Variants in BCAS3 observed in about 807,000 individuals in gnomAD.
BCAS3 encodes BCAS4/BCAS3 fusion.
In BCAS3, 53 loss-of-function variants were observed where a neutral mutation model predicts 116.1. The ratio of observed to expected loss-of-function variants is 0.46; its 90% CI spans 0.37 to 0.57. The LOEUF (loss-of-function observed/expected upper bound fraction) is 0.57. Ranked by LOEUF, BCAS3 falls within the 20% of genes least tolerant of loss-of-function variation. The probability of loss-of-function intolerance (pLI) is 0.00; values close to 1 mark genes in which losing one functional copy is unlikely to be tolerated. For synonymous variants in BCAS3, 391 were observed against 408.2 expected (o/e 0.96, Z 0.51); for missense variants, 917 against 1,165.4 (o/e 0.79, Z 3.10).
At chr17:61,129,552 GA>G (rs1377979586) in intron 22 of BCAS3, among the ~76,000 whole-genome samples, 1 of 152,222 alleles carries the variant, frequency 6.6e-6, no homozygotes, top group Non-Finnish European at 1.5e-5. Context: ...TATTTGTCAG[GA>G]ATGAGAATAC....
rs528307594 is a variant in BCAS3 at position 60,702,947 on chromosome 17, C to G, written c.215-6272C>G. On this transcript the variant is annotated intron_variant, in intron 4 of 23. Transcript: ENST00000407086. Reference sequence around the variant, plus strand: ...CAGTGACACCAGCAGGCACCAAAACCTTGCACATTTTGCTTAATACTTTTT... The same window carrying G: ...CAGTGACACCAGCAGGCACCAAAACGTTGCACATTTTGCTTAATACTTTTT... Among the ~76,000 whole-genome samples, 129 of 152,220 alleles carry G rather than the reference C, an allele frequency of 8.5e-4. 1 individual carries two copies. In the Middle Eastern group the frequency reaches 0.017, roughly 20 times the overall value.
intron 22 of BCAS3, among the ~76,000 whole-genome samples, chr17:61,167,295 G>T (rs576969284): frequency 3.9e-5 from 6 of 152,180 alleles, no homozygotes; most frequent in Non-Finnish European, 5.9e-5. Flanking sequence ...TATTAGAATT[G>T]TAACACTGAT....
At chr17:60,689,860 T>G in intron 4 of BCAS3, 99 bp downstream of exon 4, 1 of 779,262 alleles carries the variant, frequency 1.3e-6, no homozygotes, top group East Asian at 2.7e-5. Context: ...TTACTTTCTC[T>G]TATAGTAATT....
At chr17:61,280,872 G>A (rs2051182592) in intron 22 of BCAS3, among the ~76,000 whole-genome samples, 1 of 152,150 alleles carries the variant, frequency 6.6e-6, no homozygotes, top group Non-Finnish European at 1.5e-5. Flanking sequence ...CCCTTAACAG[G>A]TTGAAGGCTT....
intron 22 of BCAS3, among the ~76,000 whole-genome samples, chr17:61,223,873 A>G (rs1430081107): frequency 6.6e-6 from 1 of 152,196 alleles, no homozygotes; most frequent in Non-Finnish European, 1.5e-5. Context: ...ACACTTGGAT[A>G]CCCTGTGGTG....
intron 7 of BCAS3, chr17:60,810,971 A>G: frequency 1.5e-6 from 1 of 674,752 alleles, no homozygotes; most frequent in Non-Finnish European, 2.7e-6. Context: ...GAGCTGGACA[A>G]GTACTAGTCT....
chr17:60,914,531 G>A (rs1480507454), intron 12 of BCAS3, among the ~76,000 whole-genome samples: 1 of 152,106 alleles, frequency 6.6e-6, no homozygotes, highest in African/African-American at 2.4e-5. Context: ...GTAGAAAAAT[G>A]GGCAAAAGAT....
At chr17:60,749,038 G>A (rs1000908962) in intron 6 of BCAS3, 6 of 152,224 alleles carry the variant, frequency 3.9e-5, no homozygotes, top group African/African-American at 1.2e-4. Context: ...CACTACCTTC[G>A]GAGCAGCCTT....
At chr17:60,877,126 AG>A (rs2055682111) in intron 9 of BCAS3, among the ~76,000 whole-genome samples, 1 of 151,970 alleles carries the variant, frequency 6.6e-6, no homozygotes, top group Admixed American at 6.6e-5. Flanking sequence ...AGATCTTTAT[AG>A]GTCTGAGTTG....
chr17:61,123,464 T>C (rs1036860166), intron 22 of BCAS3, among the ~76,000 whole-genome samples: 5 of 152,110 alleles, frequency 3.3e-5, no homozygotes, highest in African/African-American at 1.2e-4. Flanking sequence ...TTTTCAAAAA[T>C]AATAATGATA....
intron 22 of BCAS3, among the ~76,000 whole-genome samples, chr17:61,245,579 A>C (rs1488045956): frequency 1.3e-5 from 2 of 152,018 alleles, no homozygotes; most frequent in African/African-American, 4.8e-5. Flanking sequence ...TTAAAAAGTG[A>C]AAAGTTGTTT....
chr17:60,850,208 A>G (rs1177210255), intron 7 of BCAS3, among the ~76,000 whole-genome samples: 1 of 152,072 alleles, frequency 6.6e-6, no homozygotes, highest in South Asian at 2.1e-4. Flanking sequence ...TGAGTTGTAC[A>G]TTGTGTGGCA....
chr17:61,195,665 C>T (rs2080436774), intron 22 of BCAS3, among the ~76,000 whole-genome samples: 1 of 152,046 alleles, frequency 6.6e-6, no homozygotes, highest in African/African-American at 2.4e-5. Context: ...AGGTGTGAGC[C>T]ACCGCACCCG....
At position 60,810,895 on chromosome 17, in the gene BCAS3, G is replaced by A. The variant is rs551109583; in HGVS notation, c.476+2819G>A. On this transcript the variant is annotated intron_variant, in intron 7 of 23. Transcript: ENST00000407086. ...GGAGGTAGATGCCCCCAAATCTCAG[G>A]ATCTCACCAAGATCATGGCAGACAT... 4.7e-4 allele frequency: 326 copies of A among 701,014 alleles called. No individual in the cohort carries two copies. The African/African-American group carries it at 5.0e-3, about 11-fold the overall frequency. The allele number at this position is 701,014 out of a possible 1,614,324, so 43.4% of individuals were successfully genotyped here.
chr17:61,229,980 C>T lies in BCAS3; in HGVS notation c.2426-138347C>T, dbSNP rs1602047390. On this transcript the variant is annotated intron_variant, in intron 22 of 23. Transcript: ENST00000407086. This position sits in a 1 kb window ranked among gnomAD's most constrained non-coding sequence, Gnocchi z 4.4. ...TCTCTACCGAAAATACAAAAATTAG[C>T]CGGGCGTGGTAGCACGTGCCTATAG... is the stretch of plus-strand genomic sequence containing the variant. Among the ~76,000 whole-genome samples the T allele has an allele frequency of 1.3e-5, 2 of 152,270 alleles. No homozygotes were observed. The highest frequency in any genetic ancestry group is 6.8e-3 in the Middle Eastern group (2 of 294).
chr17:60,927,217 TTTTA>T (rs201964677), intron 13 of BCAS3, among the ~76,000 whole-genome samples: 12,951 of 151,920 alleles, frequency 0.085, 1,847 homozygotes, highest in African/African-American at 0.29. Flanking sequence ...TTTTAAATTC[TTTTA>T]TTTATTTTTT....
chr17:61,381,430 C>T lies in BCAS3; in HGVS notation c.2594-10547C>T, dbSNP rs2059599099. On this transcript the variant is annotated intron_variant, in intron 23 of 23. Transcript: ENST00000407086. The surrounding 1 kb of genome is among the most constrained non-coding windows in gnomAD (Gnocchi z 6.0). The stretch of plus-strand genomic sequence containing the variant: ...ATTAGCTGAGACTGTGATCCTTTCC[C>T]AGCCGCGGCGTGTGGGCTTGAGACA... Among the ~76,000 whole-genome samples the T allele has an allele frequency of 6.6e-6, 1 of 152,146 alleles. No individual in the cohort carries two copies. The highest frequency in any genetic ancestry group is 6.5e-5 in the Admixed American group (1 of 15,282).
rs1221769165 is a variant in BCAS3, at chr17:61,315,388, G to A, written c.2426-52939G>A. ...GCCGCCTCAGCCTCCCAAAGTGCTGGGATTACAGGTGTGAGCCACCGCGCC... is the reference window on the plus strand; with the variant it reads ...GCCGCCTCAGCCTCCCAAAGTGCTGAGATTACAGGTGTGAGCCACCGCGCC... On this transcript the variant is annotated intron_variant, in intron 22 of 23. Coordinates refer to ENST00000407086, the MANE Select transcript of BCAS3 (RefSeq NM_017679.5). This position sits in a 1 kb window ranked among gnomAD's most constrained non-coding sequence, Gnocchi z 5.3. 1.3e-5 allele frequency among the ~76,000 whole-genome samples: 2 copies of A among 152,128 alleles called. No individual in the cohort carries two copies. The highest frequency in any genetic ancestry group is 1.3e-4 in the Admixed American group (2 of 15,276).
Position 61,285,858 on chromosome 17 carries a change from G to A in BCAS3, c.2426-82469G>A, listed in dbSNP as rs928916799. Among the ~76,000 whole-genome samples, 6 of 152,090 alleles carry A rather than the reference G, an allele frequency of 3.9e-5. No individual in the cohort carries two copies. The highest frequency in any genetic ancestry group is 4.8e-5 in the African/African-American group (2 of 41,416). ...CCCATCTCCAGTCCCTACTTTAGGCGAATCAGCTTTAGTCCTCTAAATTCT... is the reference window on the plus strand; with the variant it reads ...CCCATCTCCAGTCCCTACTTTAGGCAAATCAGCTTTAGTCCTCTAAATTCT... On this transcript the variant is annotated intron_variant, in intron 22 of 23. Coordinates refer to ENST00000407086, the MANE Select transcript of BCAS3 (RefSeq NM_017679.5). The surrounding 1 kb of genome is among the most constrained non-coding windows in gnomAD (Gnocchi z 5.4).
Sources: gnomAD v4.1 joint callset for allele counts (sites outside exome capture counted in the v4.1 genomes callset) on GRCh38, gnomAD v4.1.1 for gene constraint, Gnocchi (gnomAD v3.1) non-coding constraint, MANE v1.5 for transcripts, NCBI Gene and HGNC (gene_info 2026-07-23, HGNC 2026-07-21) for gene names.